NRXN3: variants seen among roughly 807,000 people sequenced by gnomAD.
NRXN3 encodes neurexin III.
In NRXN3, 32 loss-of-function variants were observed where a neutral mutation model predicts 137.6. That is an observed-to-expected ratio of 0.23 (90% CI 0.18 to 0.31). The LOEUF (loss-of-function observed/expected upper bound fraction) is 0.31, where lower values mean the gene tolerates loss of function less well. Ranked by LOEUF, NRXN3 falls within the 10% of genes least tolerant of loss-of-function variation. The pLI is 1.00. For synonymous variants in NRXN3, 798 were observed against 784.5 expected (o/e 1.02, Z -0.29); for missense variants, 1,574 against 2,062.5 (o/e 0.76, Z 4.59).
At chr14:78,695,107 A>G (rs958621944) in intron 6 of NRXN3, among the ~76,000 whole-genome samples, 1 of 151,980 alleles carries the variant, frequency 6.6e-6, no homozygotes, top group African/African-American at 2.4e-5. Context: ...AGCTGCCCAT[A>G]TTCCTTGGCT....
chr14:79,502,324 A>C (rs2096833349), intron 16 of NRXN3, among the ~76,000 whole-genome samples: 1 of 152,200 alleles, frequency 6.6e-6, no homozygotes, highest in Non-Finnish European at 1.5e-5. Flanking sequence ...TAAGAAGTGC[A>C]GACAGAGGGC....
intron 19 of NRXN3, among the ~76,000 whole-genome samples, chr14:79,774,039 C>G (rs1218388911): frequency 6.6e-6 from 1 of 152,072 alleles, no homozygotes; most frequent in Non-Finnish European, 1.5e-5. Context: ...CAAAAGAACC[C>G]TAGTAGACTG....
chr14:78,543,699 G>T (rs779604580), intron 4 of NRXN3, among the ~76,000 whole-genome samples: 1 of 152,080 alleles, frequency 6.6e-6, no homozygotes, highest in Admixed American at 6.6e-5. Flanking sequence ...TTACATTGCT[G>T]TTGACTTTGT....
intron 6 of NRXN3, among the ~76,000 whole-genome samples, chr14:78,704,143 C>T (rs1279241376): frequency 2.6e-5 from 4 of 152,224 alleles, no homozygotes; most frequent in East Asian, 3.9e-4. Flanking sequence ...AGTTTATTCT[C>T]ATGCACCTGC....
Position 78,660,253 on chromosome 14 carries a change from T to TTATATATATATATATATATATA in NRXN3, c.1221+8929_1221+8950dup, listed in dbSNP as rs373491178. Among the ~76,000 whole-genome samples, 68 of 139,680 alleles carry TTATATATATATATATATATATA rather than the reference T, an allele frequency of 4.9e-4. No individual in the cohort carries two copies. In the East Asian group the frequency reaches 5.3e-3, roughly 11 times the overall value. The allele number at this position is 139,680 out of a possible 152,430, so 91.6% of individuals were successfully genotyped here. ...ATGGGTTGTTGATGAAGAAGTAGATTTATATATATATATATATATATATTT... is the reference window on the plus strand; with the variant it reads ...ATGGGTTGTTGATGAAGAAGTAGATTTATATATATATATATATATATATATATATATATATATATATATATTT... On this transcript the variant is annotated intron_variant, in intron 6 of 20. Coordinates refer to ENST00000335750, the MANE Select transcript of NRXN3 (RefSeq NM_001330195.2).
intron 19 of NRXN3, among the ~76,000 whole-genome samples, chr14:79,725,745 T>C (rs147637882): frequency 6.6e-6 from 1 of 152,284 alleles, no homozygotes; most frequent in East Asian, 1.9e-4. Context: ...CTGGTATACT[T>C]TATGAATAAA....
At chr14:78,241,389 G>C (rs2067063529) in intron 1 of NRXN3, among the ~76,000 whole-genome samples, 1 of 152,140 alleles carries the variant, frequency 6.6e-6, no homozygotes, top group African/African-American at 2.4e-5. Context: ...CAGCACTTTG[G>C]GAGGCCTAGA....
chr14:78,550,274 C>T (rs549683503), intron 4 of NRXN3, among the ~76,000 whole-genome samples: 10 of 152,232 alleles, frequency 6.6e-5, no homozygotes, highest in African/African-American at 1.7e-4. Context: ...AAGTGATCCA[C>T]GTGCTTCTGC....
At chr14:78,652,668 G>A (rs962598018) in intron 6 of NRXN3, among the ~76,000 whole-genome samples, 6 of 152,234 alleles carry the variant, frequency 3.9e-5, no homozygotes, top group Non-Finnish European at 8.8e-5. Flanking sequence ...AGATGGCACT[G>A]TCCATGCATT....
At chr14:79,749,902 A>G (rs542983943) in intron 19 of NRXN3, among the ~76,000 whole-genome samples, 32 of 152,322 alleles carry the variant, frequency 2.1e-4, no homozygotes, top group East Asian at 1.9e-3. Context: ...TAAATTAGCT[A>G]TGAAAACAAA....
At chr14:79,265,418 A>G (rs2078314928) in intron 15 of NRXN3, among the ~76,000 whole-genome samples, 1 of 151,922 alleles carries the variant, frequency 6.6e-6, no homozygotes, top group Non-Finnish European at 1.5e-5. Context: ...CAACCATTCT[A>G]CACCCCACCC....
At chr14:79,210,730 C>G (rs935476059) in intron 15 of NRXN3, among the ~76,000 whole-genome samples, 40 of 152,234 alleles carry the variant, frequency 2.6e-4, no homozygotes, top group African/African-American at 9.4e-4. Context: ...AACAATGATG[C>G]TTGGATCAAA....
intron 1 of NRXN3, among the ~76,000 whole-genome samples, chr14:78,174,872 A>G (rs556327252): frequency 2.8e-4 from 42 of 152,278 alleles, no homozygotes; most frequent in African/African-American, 1.0e-3. Context: ...GTGGGCGGAT[A>G]CAGATTGAAG....
At chr14:78,928,909 C>T (rs1298782245) in intron 10 of NRXN3, among the ~76,000 whole-genome samples, 1 of 152,082 alleles carries the variant, frequency 6.6e-6, no homozygotes, top group East Asian at 1.9e-4. Flanking sequence ...GTTTACACTC[C>T]CACCAACAGT....
chr14:79,031,019 T>A (rs1595136277), intron 15 of NRXN3, among the ~76,000 whole-genome samples: 1 of 152,248 alleles, frequency 6.6e-6, no homozygotes, highest in East Asian at 1.9e-4. Context: ...CTTTTTCCTC[T>A]ATTGACTTCC....
At chr14:79,344,555 T>A (rs1406472580) in intron 15 of NRXN3, among the ~76,000 whole-genome samples, 1 of 152,240 alleles carries the variant, frequency 6.6e-6, no homozygotes, top group Admixed American at 6.5e-5. Flanking sequence ...CTTTTACATT[T>A]ATTCATTACA....
At chr14:79,733,887 T>C (rs2098933017) in intron 19 of NRXN3, among the ~76,000 whole-genome samples, 1 of 152,186 alleles carries the variant, frequency 6.6e-6, no homozygotes, top group African/African-American at 2.4e-5. Context: ...GACATTCACT[T>C]GCCTGCTTGC....
At chr14:78,347,625 A>G (rs1452547239) in intron 4 of NRXN3, among the ~76,000 whole-genome samples, 1 of 152,138 alleles carries the variant, frequency 6.6e-6, no homozygotes, top group Non-Finnish European at 1.5e-5. Context: ...TTGTCCTCCA[A>G]CAGACCTGAC....
chr14:79,602,077 T>C (rs2097929808), intron 16 of NRXN3, among the ~76,000 whole-genome samples: 3 of 152,182 alleles, frequency 2.0e-5, no homozygotes, highest in Admixed American at 2.0e-4. Context: ...TCAGGCTAAA[T>C]ACAACATACC....
Sources: allele counts gnomAD v4.1 joint callset (sites outside exome capture counted in the v4.1 genomes callset), GRCh38; gene constraint gnomAD v4.1.1; transcripts MANE v1.5; gene names NCBI Gene and HGNC (gene_info 2026-07-23, HGNC 2026-07-21).